The following PIP5K1B variants were observed in gnomAD, a reference collection of about 807,000 sequenced individuals.
PIP5K1B encodes phosphatidylinositol 4-phosphate 5-kinase type-1 beta.
A neutral mutation model predicts 67.0 loss-of-function variants in PIP5K1B; 42 were observed. The observed-to-expected ratio is 0.63, with a 90% CI of 0.49 to 0.81. The LOEUF (loss-of-function observed/expected upper bound fraction) is 0.81. Ranked by LOEUF, PIP5K1B falls within the 30% of genes least tolerant of loss-of-function variation. The pLI, the probability that PIP5K1B is intolerant of heterozygous loss-of-function variation, is 0.00. For missense variants in PIP5K1B, 459 were observed against 646.3 expected (o/e 0.71, Z 3.14); for synonymous variants, 214 against 231.4 (o/e 0.92, Z 0.68).
chr9:68,766,390 T>C (rs1830428598), intron 2 of PIP5K1B, among the ~76,000 whole-genome samples: 1 of 152,184 alleles, frequency 6.6e-6, no homozygotes. Flanking sequence ...AAAGATCTTA[T>C]ATAATGTTCA....
chr9:68,970,455 T>C (rs989497662), intron 14 of PIP5K1B, among the ~76,000 whole-genome samples: 1 of 152,164 alleles, frequency 6.6e-6, no homozygotes, highest in African/African-American at 2.4e-5. Context: ...ACCCAAGCAA[T>C]ATGCATGCAG....
chr9:68,794,488 T>C (rs12236602), intron 2 of PIP5K1B, among the ~76,000 whole-genome samples: 2,333 of 152,208 alleles, frequency 0.015, 56 homozygotes, highest in East Asian at 0.12. Flanking sequence ...CAAACATGAG[T>C]AAACTGTTCA....
intron 3 of PIP5K1B, chr9:68,822,338 A>AT (rs1554719734): frequency 8.5e-6 from 2 of 236,370 alleles, no homozygotes; most frequent in Non-Finnish European, 1.6e-5. Flanking sequence ...AAAAAAAAAA[A>AT]GCTTTGTAGA....
At position 68,813,702 on chromosome 9, in the gene PIP5K1B, T is replaced by C. The variant is rs184134541; in HGVS notation, c.-85-4759T>C. On this transcript the variant is annotated intron_variant, in intron 2 of 15. Transcript: ENST00000265382. The stretch of plus-strand genomic sequence containing the variant: ...TGGTGTTCTTATAAGAAGAGGAAAA[T>C]GCCACATGAAGAGGGAGACACATGG... Among the ~76,000 whole-genome samples, 428 of 152,088 alleles carry C rather than the reference T, an allele frequency of 2.8e-3. 1 individual carries two copies. The highest frequency in any genetic ancestry group is 0.01 in the African/African-American group (416 of 41,450).
intron 11 of PIP5K1B, among the ~76,000 whole-genome samples, chr9:68,920,524 C>T (rs901917653): frequency 9.2e-5 from 14 of 151,606 alleles, no homozygotes; most frequent in African/African-American, 2.7e-4. Context: ...CGTGCCACGA[C>T]GCCTGGCTAA....
chr9:68,990,266 C>T (rs1435055838), intron 14 of PIP5K1B, among the ~76,000 whole-genome samples: 1 of 152,136 alleles, frequency 6.6e-6, no homozygotes, highest in Non-Finnish European at 1.5e-5. Context: ...AAATGCAAAT[C>T]CATGGGCTCT....
At chr9:68,963,667 G>A (rs563105982) in intron 14 of PIP5K1B, among the ~76,000 whole-genome samples, 5 of 152,254 alleles carry the variant, frequency 3.3e-5, no homozygotes, top group South Asian at 4.1e-4. Flanking sequence ...CAGCTGTTAC[G>A]GTGACTAACA....
At chr9:68,989,142 GT>G (rs563683877) in intron 14 of PIP5K1B, among the ~76,000 whole-genome samples, 13 of 131,428 alleles carry the variant, frequency 9.9e-5, no homozygotes, top group South Asian at 2.5e-4. Flanking sequence ...CTTTTAACAA[GT>G]TTTTTTTTTA....
At position 68,812,842 on chromosome 9, in the gene PIP5K1B, C is replaced by T. The variant is rs557851305; in HGVS notation, c.-85-5619C>T. ...ACATAGCTTCCTATTTGGATCTCCA[C>T]GTATTTACTTCTTGTCAGTTTCTCT... On this transcript the variant is annotated intron_variant, in intron 2 of 15. Coordinates refer to ENST00000265382, the MANE Select transcript of PIP5K1B (RefSeq NM_003558.4). Among the ~76,000 whole-genome samples the T allele has an allele frequency of 1.5e-3, 235 of 152,262 alleles. 1 individual carries two copies. The highest frequency in any genetic ancestry group is 5.4e-3 in the African/African-American group (224 of 41,548).
At chr9:68,861,984 T>G (rs777141067) in intron 4 of PIP5K1B, among the ~76,000 whole-genome samples, 1 of 151,860 alleles carries the variant, frequency 6.6e-6, no homozygotes, top group Non-Finnish European at 1.5e-5. Context: ...GGATCTTAAA[T>G]AAAAGGGCAT....
chr9:68,730,688 A>G (rs551305465), intron 1 of PIP5K1B, among the ~76,000 whole-genome samples: 6 of 152,208 alleles, frequency 3.9e-5, no homozygotes, highest in Non-Finnish European at 8.8e-5. Flanking sequence ...GTGGACTTTG[A>G]CCTGGACTTT....
intron 8 of PIP5K1B, among the ~76,000 whole-genome samples, chr9:68,906,439 G>A (rs1291358191): frequency 6.6e-6 from 1 of 152,180 alleles, no homozygotes; most frequent in Non-Finnish European, 1.5e-5. Flanking sequence ...CCCTCCATGA[G>A]AATGAAATGG....
chr9:68,816,329 A>G (rs1833445942), intron 2 of PIP5K1B, among the ~76,000 whole-genome samples: 1 of 152,108 alleles, frequency 6.6e-6, no homozygotes, highest in Admixed American at 6.5e-5. Context: ...GGGTTTCACC[A>G]TAATGGCCAG....
chr9:68,736,148 T>G (rs957920508), intron 1 of PIP5K1B, among the ~76,000 whole-genome samples: 1 of 152,148 alleles, frequency 6.6e-6, no homozygotes, highest in Admixed American at 6.5e-5. Flanking sequence ...CTTGGTCTTT[T>G]TCTTTGAGGA....
intron 2 of PIP5K1B, among the ~76,000 whole-genome samples, chr9:68,746,927 T>A (rs931512853): frequency 6.6e-6 from 1 of 152,114 alleles, no homozygotes; most frequent in East Asian, 1.9e-4. Context: ...TAGCCTCCCC[T>A]AACCCCCTCA....
At chr9:68,857,908 G>T (rs1356491154) in intron 4 of PIP5K1B, among the ~76,000 whole-genome samples, 1 of 151,952 alleles carries the variant, frequency 6.6e-6, no homozygotes, top group Non-Finnish European at 1.5e-5. Context: ...TGGGGAGGCT[G>T]GTCAGCATCT....
chr9:68,848,368 A>G (rs529258301), intron 4 of PIP5K1B, among the ~76,000 whole-genome samples: 1 of 152,342 alleles, frequency 6.6e-6, no homozygotes, highest in East Asian at 1.9e-4. Flanking sequence ...TTTAAAAGAC[A>G]TAGGTAGGCA....
chr9:68,767,383 C>A (rs2132410159), intron 2 of PIP5K1B, among the ~76,000 whole-genome samples: 1 of 152,142 alleles, frequency 6.6e-6, no homozygotes, highest in East Asian at 1.9e-4. Context: ...CACTTAAGGT[C>A]AGGAGTTCGA....
At chr9:68,789,698 G>A in intron 2 of PIP5K1B, 1 of 273,124 alleles carries the variant, frequency 3.7e-6, no homozygotes, top group South Asian at 3.8e-5. Context: ...AGGTGAGAAA[G>A]GAAAGCCTTT....
Sources: allele counts gnomAD v4.1 joint callset (sites outside exome capture counted in the v4.1 genomes callset), GRCh38; gene constraint gnomAD v4.1.1; transcripts MANE v1.5; gene names NCBI Gene and HGNC (gene_info 2026-07-23, HGNC 2026-07-21).